The following EDA variants were observed in gnomAD, a reference collection of about 807,000 sequenced individuals.
EDA encodes the protein ectodysplasin A, also known as ectodysplasin-A.
EDA carries 2 observed loss-of-function variants against 23.6 expected under a neutral mutation model. The observed-to-expected ratio is 0.08, with a 90% CI of 0.03 to 0.27. The LOEUF (loss-of-function observed/expected upper bound fraction) is 0.27, where lower values mean the gene tolerates loss of function less well. Ranked by LOEUF, EDA falls within the 10% of genes least tolerant of loss-of-function variation. The pLI, the probability that EDA is intolerant of heterozygous loss-of-function variation, is 1.00. For missense variants in EDA, 229 were observed against 324.2 expected, an observed-to-expected ratio of 0.71 and a Z score of 2.26; for synonymous variants, 131 against 132.0, an observed-to-expected ratio of 0.99 and a Z score of 0.05.
intron 1 of EDA, among the ~76,000 whole-genome samples, chrX:69,669,044 T>C (rs986624472): frequency 8.9e-6 from 1 of 112,076 alleles, no homozygotes; most frequent in African/African-American, 3.2e-5. Flanking sequence ...CTTGTAAAAA[T>C]TTTTGACTGG....
chrX:69,912,108 G>A (rs745327327), intron 1 of EDA, among the ~76,000 whole-genome samples: 1 of 111,805 alleles, frequency 8.9e-6, no homozygotes, highest in Non-Finnish European at 1.9e-5. Context: ...GACTTCCTTT[G>A]CTAATCCATA....
rs2020280750 is a variant in EDA, at chrX:70,037,372, C to G, written c.*1763C>G. 1 of 111,976 alleles carries G rather than the reference C, an allele frequency of 8.9e-6. No individual in the cohort carries two copies. Among genetic ancestry groups the G allele is most frequent in the Admixed American group, 9.4e-5 (1 of 10,592 alleles). 9.2% of individuals were successfully genotyped at this position (111,976 alleles called of 1,213,427 possible). A position where few individuals can be genotyped will look rare whatever the true frequency, so the allele number is the denominator to read the frequency against. On this transcript the variant is annotated 3_prime_UTR_variant, in exon 8 of 8. Transcript: ENST00000374552. ...TTGCAACCCAAGGTGAGGTGAACTC[C>G]AGGCATGTGTCTGGCCCTAACTCCT... is the stretch of plus-strand genomic sequence containing the variant.
chrX:69,870,531 G>A (rs1167789568), intron 1 of EDA, among the ~76,000 whole-genome samples: 1 of 110,980 alleles, frequency 9.0e-6, no homozygotes, highest in Non-Finnish European at 1.9e-5. Flanking sequence ...TGTTGCCTCA[G>A]GCAGTGCAGG....
intron 1 of EDA, among the ~76,000 whole-genome samples, chrX:69,712,661 C>T (rs1035347665): frequency 5.4e-5 from 6 of 111,206 alleles, no homozygotes; most frequent in Admixed American, 2.9e-4. Flanking sequence ...GGTGATTCCT[C>T]AGGGATCTAT....
At chrX:69,935,310 A>G (rs1248413299) in intron 1 of EDA, among the ~76,000 whole-genome samples, 1 of 111,330 alleles carries the variant, frequency 9.0e-6, no homozygotes, top group Non-Finnish European at 1.9e-5. Flanking sequence ...TATACCTAGC[A>G]GTAGGATTGC....
chrX:69,831,667 C>T (rs2147541021), intron 1 of EDA, among the ~76,000 whole-genome samples: 1 of 112,415 alleles, frequency 8.9e-6, no homozygotes, highest in East Asian at 2.8e-4. Flanking sequence ...AATTTGCATT[C>T]CCACCAACAG....
At chrX:69,994,126 A>T (rs184041796) in intron 2 of EDA, among the ~76,000 whole-genome samples, 1 of 111,446 alleles carries the variant, frequency 9.0e-6, no homozygotes, top group Non-Finnish European at 1.9e-5. Context: ...TAAGACTGTT[A>T]TGAAGAAGTT....
chrX:69,967,780 G>C (rs1331327329), intron 2 of EDA, among the ~76,000 whole-genome samples: 2 of 111,878 alleles, frequency 1.8e-5, no homozygotes, highest in Non-Finnish European at 3.8e-5. Context: ...CTTCATGTAG[G>C]TTCTCACTAT....
At chrX:69,622,190 A>G (rs952740459) in intron 1 of EDA, among the ~76,000 whole-genome samples, 1 of 112,367 alleles carries the variant, frequency 8.9e-6, no homozygotes, top group Admixed American at 9.4e-5. Flanking sequence ...ATATTATTAT[A>G]CATGTCTTTT....
intron 1 of EDA, among the ~76,000 whole-genome samples, chrX:69,846,881 A>C (rs1189567924): frequency 9.0e-6 from 1 of 111,600 alleles, no homozygotes; most frequent in Non-Finnish European, 1.9e-5. Context: ...TTGGAGCCCC[A>C]ACTGATACAG....
chrX:69,670,081 G>A, intron 1 of EDA: 1 of 309,376 alleles, frequency 3.2e-6, no homozygotes, highest in Admixed American at 6.0e-5. Flanking sequence ...TGTAGGGCAG[G>A]TCCAGTGGTG....
chrX:69,777,860 A>T (rs1345121610), intron 1 of EDA, among the ~76,000 whole-genome samples: 1 of 112,324 alleles, frequency 8.9e-6, no homozygotes, highest in Non-Finnish European at 1.9e-5. Flanking sequence ...AGGTTTTGCT[A>T]AAAATGCATG....
At chrX:69,691,128 A>G (rs1934701280) in intron 1 of EDA, among the ~76,000 whole-genome samples, 1 of 111,877 alleles carries the variant, frequency 8.9e-6, no homozygotes, top group Admixed American at 9.5e-5. Flanking sequence ...GCAGCTAGTA[A>G]CCACTATATA....
At chrX:69,738,567 G>A (rs1391042486) in intron 1 of EDA, among the ~76,000 whole-genome samples, 1 of 106,771 alleles carries the variant, frequency 9.4e-6, no homozygotes. Flanking sequence ...TTTTTAGAGT[G>A]TCTTAAGGTA....
intron 1 of EDA, among the ~76,000 whole-genome samples, chrX:69,797,708 C>T (rs2015575777): frequency 9.0e-6 from 1 of 111,341 alleles, no homozygotes; most frequent in African/African-American, 3.3e-5. Flanking sequence ...GGTACCACTA[C>T]AGAAAACCAC....
At chrX:69,685,123 A>G (rs1183271495) in intron 1 of EDA, among the ~76,000 whole-genome samples, 1 of 112,354 alleles carries the variant, frequency 8.9e-6, no homozygotes, top group African/African-American at 3.2e-5. Context: ...TCATCTTCCT[A>G]AAAGTCTTTC....
intron 3 of EDA, among the ~76,000 whole-genome samples, chrX:70,024,973 C>T (rs1199441051): frequency 8.9e-6 from 1 of 111,838 alleles, no homozygotes; most frequent in African/African-American, 3.3e-5. Context: ...AGAAGGGAGT[C>T]AATCCTCTGA....
chrX:69,752,840 C>G (rs1207101331), intron 1 of EDA, among the ~76,000 whole-genome samples: 1 of 111,952 alleles, frequency 8.9e-6, no homozygotes, highest in African/African-American at 3.2e-5. Flanking sequence ...TCCATTTCTT[C>G]TAGATTTTCT....
intron 2 of EDA, among the ~76,000 whole-genome samples, chrX:69,970,132 T>A (rs921488505): frequency 1.2e-4 from 13 of 111,604 alleles, no homozygotes; most frequent in African/African-American, 4.2e-4. Flanking sequence ...AAAGAAAAAA[T>A]TCAGTTGATA....
Sources: gnomAD v4.1 joint callset for allele counts (sites outside exome capture counted in the v4.1 genomes callset) on GRCh38, gnomAD v4.1.1 for gene constraint, MANE v1.5 for transcripts, NCBI Gene and HGNC (gene_info 2026-07-23, HGNC 2026-07-21) for gene names.